The following LRRFIP1 variants were observed in gnomAD, a reference collection of about 807,000 sequenced individuals.
The protein encoded by LRRFIP1 is LRR binding FLII interacting protein 1.
In LRRFIP1, 62 loss-of-function variants were observed where a neutral mutation model predicts 104.4. The observed-to-expected ratio is 0.59, with a 90% CI of 0.48 to 0.73. The LOEUF (loss-of-function observed/expected upper bound fraction) is 0.73, where lower values mean the gene tolerates loss of function less well. Among genes scored for constraint, LRRFIP1 ranks in the 30% least tolerant of loss-of-function variants. LRRFIP1 has a pLI of 0.00. For missense variants in LRRFIP1, 796 were observed against 824.5 expected, an observed-to-expected ratio of 0.97 and a Z score of 0.42; for synonymous variants, 300 against 299.0, an observed-to-expected ratio of 1.00 and a Z score of -0.03.
At chr2:237,770,247 G>T in intron 20 of LRRFIP1, 1 of 426,000 alleles carries the variant, frequency 2.3e-6, no homozygotes, top group Non-Finnish European at 4.3e-6. Context: ...ATTGAATTTG[G>T]TACATTTTAC....
At chr2:237,744,697 A>G (rs1030521843) in intron 11 of LRRFIP1, among the ~76,000 whole-genome samples, 2 of 152,270 alleles carry the variant, frequency 1.3e-5, no homozygotes, top group Admixed American at 1.3e-4. Flanking sequence ...CTGTGGCTGT[A>G]AAATACAACA....
intron 16 of LRRFIP1, 103 bp downstream of exon 16, chr2:237,756,290 C>A: frequency 1.3e-6 from 1 of 750,472 alleles, no homozygotes; most frequent in Non-Finnish European, 2.2e-6. Context: ...ATACCATACA[C>A]AGCATGGCTT....
intron 12 of LRRFIP1, 71 bp downstream of exon 12, chr2:237,748,470 T>C: frequency 7.2e-7 from 1 of 1,396,714 alleles, no homozygotes; most frequent in African/African-American, 1.5e-5. Context: ...ATATGTTGCT[T>C]GGTTTTTTTT....
In LRRFIP1 at chr2:237,705,036, G is replaced by A. The variant is rs150146159; in HGVS notation, c.97-3508G>A. Among the ~76,000 whole-genome samples the A allele has an allele frequency of 3.8e-3, 572 of 152,326 alleles. 1 individual carries two copies. The highest frequency in any genetic ancestry group is 6.6e-3 in the South Asian group (32 of 4,830). ...TGGAGGGCAGACCCCCGAGAGCAGC[G>A]GGGTCTGACAGGGCATTGTTTTGGA... is the stretch of plus-strand genomic sequence containing the variant. On this transcript the variant is annotated intron_variant, in intron 1 of 23. Transcript: ENST00000308482.
intron 1 of LRRFIP1, among the ~76,000 whole-genome samples, chr2:237,706,285 T>A (rs1318335386): frequency 6.6e-6 from 1 of 152,184 alleles, no homozygotes. Flanking sequence ...TGTTCCCTTC[T>A]GGTGGCCCTT....
chr2:237,708,392 C>G, intron 1 of LRRFIP1, 152 bp from the exon 2 acceptor site: 1 of 596,240 alleles, frequency 1.7e-6, no homozygotes. Flanking sequence ...TCTATTGCTC[C>G]TGACCACCCT....
chr2:237,736,377 G>A (rs2095248289), intron 10 of LRRFIP1, among the ~76,000 whole-genome samples: 1 of 152,162 alleles, frequency 6.6e-6, no homozygotes, highest in Non-Finnish European at 1.5e-5. Context: ...CCATTAGAAA[G>A]CTCATAAACC....
intron 12 of LRRFIP1, 141 bp downstream of exon 12, chr2:237,748,540 C>T: frequency 2.7e-6 from 2 of 735,358 alleles, no homozygotes; most frequent in Non-Finnish European, 4.5e-6. Flanking sequence ...AACCTGGTAT[C>T]ACCTTCCCGG....
intron 11 of LRRFIP1, among the ~76,000 whole-genome samples, chr2:237,747,949 G>A (rs1279227631): frequency 6.6e-6 from 1 of 151,134 alleles, no homozygotes; most frequent in Admixed American, 6.6e-5. Context: ...GAGAAAAAAA[G>A]AAACCTGTCT....
chr2:237,700,719 G>A (rs190404360), intron 1 of LRRFIP1, among the ~76,000 whole-genome samples: 22 of 152,264 alleles, frequency 1.4e-4, no homozygotes, highest in Middle Eastern at 6.8e-3. Context: ...CCTAATATGC[G>A]CTAACAGGCT....
At chr2:237,764,169 A>C (rs768566570) in intron 19 of LRRFIP1, 10 of 1,614,016 alleles carry the variant, frequency 6.2e-6, no homozygotes, top group Middle Eastern at 3.3e-4. Flanking sequence ...CGCGGTGCAC[A>C]GGAAGTCTCA....
At position 237,745,516 on chromosome 2, in the gene LRRFIP1, T is replaced by C. The variant is rs1166800538; in HGVS notation, c.634-2848T>C. 4.6e-5 allele frequency among the ~76,000 whole-genome samples: 7 copies of C among 152,206 alleles called. 1 individual carries two copies. The highest frequency in any genetic ancestry group is 3.9e-4 in the Admixed American group (6 of 15,274). On this transcript the variant is annotated intron_variant, in intron 11 of 23. Transcript: ENST00000308482. ...TTTTGGGGTTTTTTCCCTTATTTGATATTTTACAAATTATAAAAACAAATG... is the reference window on the plus strand; with the variant it reads ...TTTTGGGGTTTTTTCCCTTATTTGACATTTTACAAATTATAAAAACAAATG...
chr2:237,768,591 G>C (rs1576405389), intron 19 of LRRFIP1: 1 of 152,128 alleles, frequency 6.6e-6, no homozygotes, highest in Non-Finnish European at 1.5e-5. Context: ...GGTTATGGGG[G>C]GGAGCGAGTA....
intron 22 of LRRFIP1, chr2:237,774,149 C>A: frequency 1.9e-6 from 1 of 535,666 alleles, no homozygotes; most frequent in Admixed American, 3.2e-5. Flanking sequence ...AAATGGGTCC[C>A]CATCATGTCA....
At chr2:237,708,420 G>C in intron 1 of LRRFIP1, 124 bp from the exon 2 acceptor site, 1 of 668,572 alleles carries the variant, frequency 1.5e-6, no homozygotes, top group Non-Finnish European at 2.6e-6. Flanking sequence ...TATGAATCTG[G>C]AATTTATTGC....
At chr2:237,706,157 T>G (rs748616802) in intron 1 of LRRFIP1, among the ~76,000 whole-genome samples, 2 of 152,086 alleles carry the variant, frequency 1.3e-5, no homozygotes, top group Non-Finnish European at 2.9e-5. Flanking sequence ...GGTGGGAGTC[T>G]TGGGGACCAA....
intron 22 of LRRFIP1, chr2:237,774,059 A>G: frequency 2.9e-6 from 1 of 340,632 alleles, no homozygotes; most frequent in Non-Finnish European, 5.5e-6. Flanking sequence ...TTCCAACAGA[A>G]CAGCCCCACG....
chr2:237,736,574 A>G (rs55981069), intron 10 of LRRFIP1, among the ~76,000 whole-genome samples: 51 of 152,326 alleles, frequency 3.3e-4, no homozygotes, highest in Non-Finnish European at 6.6e-4. Context: ...GATGCTCTCC[A>G]GATGCTACTG....
chr2:237,766,148 T>C lies in LRRFIP1; in HGVS notation c.1460-3795T>C, dbSNP rs56074707. ...GAGACGATTGTCACGCACCATCCCC[T>C]GTGATCTGTGGTTCTGATGTGCAGC... On this transcript the variant is annotated intron_variant, in intron 19 of 23. Transcript: ENST00000308482. This position sits in a 1 kb window ranked among gnomAD's most constrained non-coding sequence, Gnocchi z 4.8. 0.15 allele frequency among the ~76,000 whole-genome samples: 23,489 copies of C among 152,162 alleles called. 2,378 individuals are homozygous for C. The highest frequency in any genetic ancestry group is 0.39 in the East Asian group (2,025 of 5,150).
Sources: allele counts gnomAD v4.1 joint callset (sites outside exome capture counted in the v4.1 genomes callset), GRCh38; gene constraint gnomAD v4.1.1; non-coding constraint Gnocchi (gnomAD v3.1); transcripts MANE v1.5; gene names NCBI Gene and HGNC (gene_info 2026-07-23, HGNC 2026-07-21).